Variants in COG4 observed in about 807,000 individuals in gnomAD.
COG4 encodes the protein conserved oligomeric Golgi complex subunit 4.
A neutral mutation model predicts 95.1 loss-of-function variants in COG4; 65 were observed. That is an observed-to-expected ratio of 0.68 (90% CI 0.56 to 0.84). The LOEUF (loss-of-function observed/expected upper bound fraction) is 0.84. Ranked by LOEUF, COG4 falls within the 40% of genes least tolerant of loss-of-function variation. COG4 has a pLI of 0.00. For missense variants in COG4, 1,045 were observed against 989.1 expected, an observed-to-expected ratio of 1.06 and a Z score of -0.76; for synonymous variants, 421 against 374.8, an observed-to-expected ratio of 1.12 and a Z score of -1.42.
At chr16:70,515,267 T>C (rs2049798078) in intron 3 of COG4, among the ~76,000 whole-genome samples, 1 of 151,926 alleles carries the variant, frequency 6.6e-6, no homozygotes, top group South Asian at 2.1e-4. Context: ...AGCAATTCAT[T>C]CTCCTCGGCC....
At chr16:70,494,705 A>G (rs1221540907) in intron 12 of COG4, among the ~76,000 whole-genome samples, 2 of 152,188 alleles carry the variant, frequency 1.3e-5, no homozygotes, top group Admixed American at 6.6e-5. Flanking sequence ...CAAGCAGCCA[A>G]TGATTATTTC....
At chr16:70,514,277 T>C in intron 4 of COG4, 58 bp downstream of exon 4, 2 of 1,502,060 alleles carry the variant, frequency 1.3e-6, no homozygotes, top group Non-Finnish European at 1.9e-6. Flanking sequence ...CGAGTCTGCT[T>C]ACTTCAGATT....
intron 8 of COG4, chr16:70,501,314 C>A: frequency 1.7e-6 from 1 of 572,870 alleles, no homozygotes; most frequent in Non-Finnish European, 3.1e-6. Context: ...CCCTAAAATT[C>A]TGCCAGACCT....
chr16:70,483,878 G>C lies in COG4; in HGVS notation c.1802C>G (p.Ser601Cys). ...CTGCAAGAGGTCTCGGAATTTGTTGGACACGGCGGCCAAGTCAGAAAGGCA... is the reference window on the plus strand; with the variant it reads ...CTGCAAGAGGTCTCGGAATTTGTTGCACACGGCGGCCAAGTCAGAAAGGCA... ...DSCLSDLAAVSNKFRDLLQEG... is the reference protein window; with the variant it reads ...DSCLSDLAAVCNKFRDLLQEG... The change falls in exon 14 of 19, where the codon TCC becomes TGC. Residue 601 changes from serine to cysteine, a missense_variant. Physicochemically the swap from Ser to Cys is moderately radical, Grantham distance 112. Transcript: ENST00000323786. 1 of 1,613,438 alleles carries C rather than the reference G, an allele frequency of 6.2e-7. No individual in the cohort carries two copies. The highest frequency in any genetic ancestry group is 2.2e-5 in the East Asian group (1 of 44,880).
intron 12 of COG4, 23 bp from the exon 13 acceptor site, chr16:70,490,415 C>T (rs749323108): frequency 4.5e-5 from 72 of 1,603,490 alleles, no homozygotes; most frequent in Admixed American, 1.3e-4. Flanking sequence ...GAAGGAAGAA[C>T]GTGACTTCCT....
At chr16:70,522,128 G>C (rs571250480) in intron 1 of COG4, among the ~76,000 whole-genome samples, 1 of 151,984 alleles carries the variant, frequency 6.6e-6, no homozygotes, top group South Asian at 2.1e-4. Context: ...CTCCCGAGTA[G>C]CTGGGATTAC....
intron 12 of COG4, among the ~76,000 whole-genome samples, chr16:70,491,850 A>G (rs1164458640): frequency 2.7e-5 from 4 of 150,514 alleles, no homozygotes; most frequent in East Asian, 1.9e-4. Flanking sequence ...AAAAAAAAGT[A>G]AAATGATTCA....
chr16:70,509,155 A>G lies in COG4; in HGVS notation c.1002+76T>C, dbSNP rs181622353. 3,442 of 1,582,836 alleles carry G rather than the reference A, an allele frequency of 2.2e-3. 6 individuals are homozygous for G. Among genetic ancestry groups the G allele is most frequent in the Non-Finnish European group, 2.4e-3 (2,770 of 1,152,850 alleles). ...CTGCACCTTTTTTTTCACTTTTTCAAACCCTACAATTTATTCTACTCAGTG... is the reference window on the plus strand; with the variant it reads ...CTGCACCTTTTTTTTCACTTTTTCAGACCCTACAATTTATTCTACTCAGTG... On this transcript the variant is annotated intron_variant, in intron 7 of 18. Coordinates refer to ENST00000323786, the MANE Select transcript of COG4 (RefSeq NM_015386.3).
chr16:70,514,268 G>T (rs1351861607), intron 4 of COG4, 67 bp downstream of exon 4: 4 of 1,429,282 alleles, frequency 2.8e-6, no homozygotes. Context: ...TTTATTGGTC[G>T]AGTCTGCTTA....
intron 11 of COG4, 131 bp downstream of exon 11, chr16:70,497,090 T>C (rs2049354636): frequency 5.4e-6 from 5 of 919,756 alleles, no homozygotes; most frequent in Admixed American, 4.0e-5. Flanking sequence ...GATACTATCT[T>C]AGGGATAGGA....
At chr16:70,522,743 G>A (rs1466358252) in intron 1 of COG4, among the ~76,000 whole-genome samples, 1 of 152,154 alleles carries the variant, frequency 6.6e-6, no homozygotes, top group Non-Finnish European at 1.5e-5. Context: ...GCAGGAAATA[G>A]AACGTTATGA....
At chr16:70,506,379 G>T (rs1054174517) in intron 8 of COG4, among the ~76,000 whole-genome samples, 1 of 151,634 alleles carries the variant, frequency 6.6e-6, no homozygotes, top group Non-Finnish European at 1.5e-5. Flanking sequence ...CTCCAGCCTG[G>T]GTGACAGAGC....
In COG4 at chr16:70,482,813, C is replaced by T; in HGVS notation, c.1836G>A (p.Leu612=). ...TGATGGCTGTGCTGTTGAGCTCCGTCAGCCCTTCCTGCACAAGGACAAGGT... is the reference window on the plus strand; with the variant it reads ...TGATGGCTGTGCTGTTGAGCTCCGTTAGCCCTTCCTGCACAAGGACAAGGT... ...NKFRDLLQEG[L]TELNSTAIKP... Residue 612 remains leucine, a synonymous_variant, in exon 15 of 19, where the codon CTG becomes CTA. Transcript: ENST00000323786. 1.2e-6 allele frequency: 2 copies of T among 1,613,604 alleles called. No individual in the cohort carries two copies. Among genetic ancestry groups the T allele is most frequent in the Non-Finnish European group, 1.7e-6 (2 of 1,179,732 alleles).
intron 12 of COG4, among the ~76,000 whole-genome samples, chr16:70,493,358 T>C (rs570514714): frequency 6.6e-6 from 1 of 152,122 alleles, no homozygotes; most frequent in South Asian, 2.1e-4. Flanking sequence ...CCCTCAGCCA[T>C]GTGTGGCTAT....
chr16:70,482,035 G>T, intron 16 of COG4, 57 bp downstream of exon 16: 1 of 1,460,380 alleles, frequency 6.8e-7, no homozygotes, highest in Non-Finnish European at 9.6e-7. Context: ...CCTGCAGGCT[G>T]CTGGTTTGGG....
chr16:70,523,516 A>T lies in COG4; in HGVS notation c.28T>A (p.Ser10Thr). 1 of 1,614,020 alleles carries T rather than the reference A, an allele frequency of 6.2e-7. No homozygotes were observed. The highest frequency in any genetic ancestry group is 1.7e-4 in the Middle Eastern group (1 of 6,058). ...TGCACCCCTGACAGCTTCGGAGGCG[A>T]ATCAAGGTCCGCCATCTTGGTCCCC... MGTKMADLD[S>T]PPKLSGVQQP... Residue 10 changes from serine (S) to threonine (T), a missense_variant, in exon 1 of 19, where the codon TCG (serine) becomes ACG (threonine). Physicochemically the swap from Ser to Thr is moderately conservative, Grantham distance 58 (BLOSUM62 1). Coordinates refer to ENST00000323786, the MANE Select transcript of COG4 (RefSeq NM_015386.3).
At chr16:70,506,871 G>C (rs950069193) in intron 8 of COG4, among the ~76,000 whole-genome samples, 4 of 151,954 alleles carry the variant, frequency 2.6e-5, no homozygotes, top group African/African-American at 9.7e-5. Context: ...AGTCACTCTG[G>C]GGGCTTCAAA....
intron 1 of COG4, chr16:70,523,077 T>C: frequency 2.2e-6 from 1 of 450,192 alleles, no homozygotes; most frequent in Non-Finnish European, 4.0e-6. Flanking sequence ...GCAAATACTC[T>C]CAGACTAACT....
chr16:70,512,121 A>AGGAAG, intron 5 of COG4, 118 bp downstream of exon 5: 2 of 941,046 alleles, frequency 2.1e-6, no homozygotes. Flanking sequence ...CAGCAAGGGC[A>AGGAAG]GGAAGGGGAG....
Sources: allele counts gnomAD v4.1 joint callset (sites outside exome capture counted in the v4.1 genomes callset), GRCh38; gene constraint gnomAD v4.1.1; transcripts MANE v1.5; gene names NCBI Gene and HGNC (gene_info 2026-07-23, HGNC 2026-07-21).